PILRA: variants seen among roughly 807,000 people sequenced by gnomAD.
PILRA encodes paired immunoglobulin-like type 2 receptor alpha.
In PILRA, 37 loss-of-function variants were observed where a neutral mutation model predicts 33.1. The ratio of observed to expected loss-of-function variants is 1.12; its 90% CI spans 0.86 to 1.47. The LOEUF (loss-of-function observed/expected upper bound fraction) is 1.47. PILRA is among the 40% of genes most tolerant of loss of function. The probability of loss-of-function intolerance (pLI) is 0.00; values close to 1 mark genes in which losing one functional copy is unlikely to be tolerated. For synonymous variants in PILRA, 146 were observed against 149.9 expected (o/e 0.97, Z 0.19); for missense variants, 312 against 376.2 (o/e 0.83, Z 1.41).
chr7:100,399,795 T>C lies in PILRA; in HGVS notation c.800T>C (p.Ile267Thr), dbSNP rs935725344. 1 of 1,611,190 alleles carries C rather than the reference T, an allele frequency of 6.2e-7. No individual in the cohort carries two copies. Among genetic ancestry groups the C allele is most frequent in the Non-Finnish European group, 8.5e-7 (1 of 1,178,480 alleles). The change falls in exon 7 of 7, where the codon ATC becomes ACC. Residue 267 changes from isoleucine to threonine, a missense_variant. Physicochemically the swap from Ile to Thr is moderately conservative, Grantham distance 89. Coordinates refer to ENST00000198536, the MANE Select transcript of PILRA (RefSeq NM_013439.3). ...TGGGTTCTCGCCCAGGATGACGGCA[T>C]CGTCTATGCTTCCCTTGCCCTCTCC... ...DPKLNPKDDG[I>T]VYASLALSSS... is the part of the protein sequence containing the mutation.
At chr7:100,386,574 G>A (rs1791259763) in intron 2 of PILRA, among the ~76,000 whole-genome samples, 1 of 151,988 alleles carries the variant, frequency 6.6e-6, no homozygotes, top group Admixed American at 6.6e-5. Context: ...CTGGAGTGCA[G>A]TGGCACAATC....
intron 3 of PILRA, among the ~76,000 whole-genome samples, chr7:100,396,241 T>C (rs1048126000): frequency 6.6e-6 from 1 of 152,234 alleles, no homozygotes; most frequent in African/African-American, 2.4e-5. Context: ...TACACCCATG[T>C]TGATAGCAAC....
At position 100,390,088 on chromosome 7, in the gene PILRA, A is replaced by G; in HGVS notation, c.655A>G (p.Arg219Gly). The change falls in exon 3 of 7, where the codon AGG becomes GGG. Residue 219 changes from arginine to glycine, a missense_variant. By Grantham distance (125) the Arg-to-Gly change is moderately radical. Coordinates refer to ENST00000198536, the MANE Select transcript of PILRA (RefSeq NM_013439.3). ...GATTTTGGGACTGATCTGCCTCCTC[A>G]GGTGGAGGAGAAGGAAAGGTAAGTG... The part of the protein sequence containing the change: ...IMILGLICLL[R>G]WRRRKGQQRT... 6.2e-7 allele frequency: 1 copy of G among 1,613,894 alleles called. No homozygotes were observed. Among genetic ancestry groups the G allele is most frequent in the Non-Finnish European group, 8.5e-7 (1 of 1,179,862 alleles).
chr7:100,373,329 C>G, upstream of PILRA: 1 of 521,988 alleles, frequency 1.9e-6, no homozygotes, highest in Non-Finnish European at 3.4e-6. Flanking sequence ...GGGGCCCAGC[C>G]AGCCAAGGTC....
At chr7:100,399,038 A>G (rs1791568929) in intron 4 of PILRA, among the ~76,000 whole-genome samples, 1 of 151,934 alleles carries the variant, frequency 6.6e-6, no homozygotes, top group African/African-American at 2.4e-5. Flanking sequence ...TCCTGGGCTC[A>G]AGTGATCCTC....
intron 2 of PILRA, among the ~76,000 whole-genome samples, chr7:100,386,830 T>TAA (rs74792669): frequency 7.1e-6 from 1 of 140,718 alleles, no homozygotes; most frequent in Non-Finnish European, 1.6e-5. Context: ...TGCCCAGCTT[T>TAA]AAAAAAAAAA....
rs201053975 is a variant in PILRA at position 100,387,950 on chromosome 7, C to T, written c.455-1938C>T. ...CTGAGTTTCTTTACAGCTGGCTCCT[C>T]CTGTTTGGGGTTTTTTCTTTGGAAA... On this transcript the variant is annotated intron_variant, in intron 2 of 6. Transcript: ENST00000198536. Among the ~76,000 whole-genome samples the T allele has an allele frequency of 3.3e-5, 5 of 152,074 alleles. No individual in the cohort carries two copies. The East Asian group carries it at 9.6e-4, about 29-fold the overall frequency.
chr7:100,384,680 C>T (rs1791217110), intron 2 of PILRA, among the ~76,000 whole-genome samples: 1 of 151,988 alleles, frequency 6.6e-6, no homozygotes, highest in Non-Finnish European at 1.5e-5. Flanking sequence ...CTCAGCTACT[C>T]AGGAGGGTGA....
At chr7:100,385,723 G>A (rs771973355) in intron 2 of PILRA, among the ~76,000 whole-genome samples, 4 of 152,002 alleles carry the variant, frequency 2.6e-5, no homozygotes, top group South Asian at 2.1e-4. Flanking sequence ...TCTGCCTCCC[G>A]GGTTCATGCG....
intron 2 of PILRA, among the ~76,000 whole-genome samples, chr7:100,388,472 C>T (rs923291635): frequency 2.0e-5 from 3 of 151,944 alleles, no homozygotes; most frequent in Admixed American, 2.0e-4. Flanking sequence ...GTGGCTCACA[C>T]CTATAATCCC....
At chr7:100,397,937 G>A (rs778618517) in intron 4 of PILRA, 25 bp downstream of exon 4, 12 of 1,612,462 alleles carry the variant, frequency 7.4e-6, no homozygotes, top group Non-Finnish European at 1.0e-5. Flanking sequence ...TCCCCAGGGT[G>A]GGTTGGGGGG....
intron 2 of PILRA, among the ~76,000 whole-genome samples, chr7:100,385,229 G>A (rs1014574808): frequency 6.6e-6 from 1 of 152,212 alleles, no homozygotes; most frequent in African/African-American, 2.4e-5. Context: ...AAGGGAGTGA[G>A]GAGGCAGGTG....
chr7:100,379,315 A>C (rs1404248504), intron 2 of PILRA, among the ~76,000 whole-genome samples: 1 of 151,494 alleles, frequency 6.6e-6, no homozygotes, highest in African/African-American at 2.4e-5. Context: ...AGGAGGTGGC[A>C]GTTGCAGTGA....
chr7:100,380,896 GGGA>G (rs1267641641), intron 2 of PILRA, among the ~76,000 whole-genome samples: 1 of 152,092 alleles, frequency 6.6e-6, no homozygotes, highest in East Asian at 1.9e-4. Context: ...ACTTGAACCC[GGGA>G]GGAGGAGGTG....
chr7:100,376,964 A>G (rs112185922), intron 2 of PILRA, among the ~76,000 whole-genome samples: 5,964 of 150,750 alleles, frequency 0.04, 412 homozygotes, highest in African/African-American at 0.14. Context: ...GGATTTTGCT[A>G]TGTTGCCCAG....
Position 100,380,340 on chromosome 7 carries a change from C to A in PILRA, c.454+5907C>A, listed in dbSNP as rs905033041. On this transcript the variant is annotated intron_variant, in intron 2 of 6. Coordinates refer to ENST00000198536, the MANE Select transcript of PILRA (RefSeq NM_013439.3). ...ACAGAAAGAGGAACCTGGAAGAAAC[C>A]AAAACAGTTCAGGGAGAATAAAACT... 3.3e-5 allele frequency among the ~76,000 whole-genome samples: 5 copies of A among 152,096 alleles called. No individual in the cohort carries two copies. The East Asian group carries it at 9.6e-4, about 29-fold the overall frequency.
chr7:100,379,550 C>T (rs993139208), intron 2 of PILRA, among the ~76,000 whole-genome samples: 4 of 151,716 alleles, frequency 2.6e-5, no homozygotes, highest in African/African-American at 4.8e-5. Flanking sequence ...CGCCTGTAGT[C>T]CCAGCTACTC....
At chr7:100,396,008 C>T (rs1340887485) in intron 3 of PILRA, among the ~76,000 whole-genome samples, 1 of 152,072 alleles carries the variant, frequency 6.6e-6, no homozygotes, top group Non-Finnish European at 1.5e-5. Flanking sequence ...CCTGTAATCC[C>T]AGCTACTCAG....
At chr7:100,381,049 G>A (rs564124124) in intron 2 of PILRA, among the ~76,000 whole-genome samples, 3 of 152,038 alleles carry the variant, frequency 2.0e-5, no homozygotes, top group Admixed American at 1.3e-4. Context: ...GGTGGATCAC[G>A]AGGTCAGGAG....
Sources: allele counts gnomAD v4.1 joint callset (sites outside exome capture counted in the v4.1 genomes callset), GRCh38; gene constraint gnomAD v4.1.1; transcripts MANE v1.5; gene names NCBI Gene and HGNC (gene_info 2026-07-23, HGNC 2026-07-21).